GRM8: variants seen among roughly 807,000 people sequenced by gnomAD.
The protein encoded by GRM8 is metabotropic glutamate receptor 8.
In GRM8, 47 loss-of-function variants were observed where a neutral mutation model predicts 87.2. The observed-to-expected ratio is 0.54, with a 90% confidence interval of 0.43 to 0.69. The LOEUF is 0.69. Ranked by LOEUF, GRM8 falls within the 30% of genes least tolerant of loss-of-function variation. The pLI, the probability that GRM8 is intolerant of heterozygous loss-of-function variation, is 0.00. For synonymous variants in GRM8, 396 were observed against 404.5 expected (o/e 0.98, Z 0.25); for missense variants, 1,019 against 1,139.2 (o/e 0.89, Z 1.52).
At chr7:126,889,655 C>T (rs1800816685) in intron 6 of GRM8, among the ~76,000 whole-genome samples, 1 of 152,048 alleles carries the variant, frequency 6.6e-6, no homozygotes, top group Non-Finnish European at 1.5e-5. Context: ...TGTTGAAAAG[C>T]TGTATATCAT....
At chr7:126,680,648 T>C (rs968011318) in intron 7 of GRM8, among the ~76,000 whole-genome samples, 2 of 152,204 alleles carry the variant, frequency 1.3e-5, no homozygotes, top group African/African-American at 4.8e-5. Context: ...AAGTAACCTA[T>C]TTGTCACTAA....
At chr7:126,442,002 G>A (rs543832110) in intron 10 of GRM8, among the ~76,000 whole-genome samples, 2,460 of 48,188 alleles carry the variant, frequency 0.051, 166 homozygotes, top group East Asian at 0.34. Flanking sequence ...TGCAAAATGC[G>A]TGAAAAAAAA....
chr7:126,585,372 C>T (rs994708330), intron 8 of GRM8, among the ~76,000 whole-genome samples: 8 of 152,122 alleles, frequency 5.3e-5, no homozygotes, highest in Non-Finnish European at 4.4e-5. Flanking sequence ...TCATCACAAT[C>T]TTCATAAGGT....
At chr7:127,108,209 G>T (rs1426365284) in intron 2 of GRM8, among the ~76,000 whole-genome samples, 1 of 151,982 alleles carries the variant, frequency 6.6e-6, no homozygotes, top group Non-Finnish European at 1.5e-5. Context: ...ATGACTACTC[G>T]CAAGGACACC....
At chr7:126,981,079 T>C (rs1154324) in intron 3 of GRM8, 50,642 of 152,944 alleles carry the variant, frequency 0.33, 9,661 homozygotes, top group East Asian at 0.66. Context: ...CACTAACAGA[T>C]GAGAGCTTCA....
intron 7 of GRM8, among the ~76,000 whole-genome samples, chr7:126,719,991 T>C (rs186252284): frequency 6.6e-6 from 1 of 152,222 alleles, no homozygotes; most frequent in African/African-American, 2.4e-5. Context: ...CTCTAATTTA[T>C]AATGTCTCTA....
At chr7:126,560,318 A>C (rs780340200) in intron 8 of GRM8, among the ~76,000 whole-genome samples, 7 of 152,196 alleles carry the variant, frequency 4.6e-5, no homozygotes, top group Non-Finnish European at 8.8e-5. Context: ...AATAACATTG[A>C]TTTATGTAAT....
intron 6 of GRM8, among the ~76,000 whole-genome samples, chr7:126,874,745 T>C (rs574367032): frequency 1.4e-4 from 21 of 152,266 alleles, no homozygotes; most frequent in African/African-American, 3.8e-4. Context: ...TAGGCCAATG[T>C]TCCTTCTGCA....
At chr7:127,167,899 T>C (rs535140394) in intron 2 of GRM8, among the ~76,000 whole-genome samples, 46 of 152,180 alleles carry the variant, frequency 3.0e-4, no homozygotes, top group African/African-American at 1.0e-3. Context: ...CCTAAAACCA[T>C]GAAAACCCTA....
At chr7:126,843,680 G>C (rs1174980144) in intron 6 of GRM8, among the ~76,000 whole-genome samples, 1 of 152,188 alleles carries the variant, frequency 6.6e-6, no homozygotes, top group African/African-American at 2.4e-5. Flanking sequence ...TCTTTTTAAA[G>C]ATTTAATCAT....
At chr7:126,861,528 C>T (rs1798137772) in intron 6 of GRM8, among the ~76,000 whole-genome samples, 1 of 151,880 alleles carries the variant, frequency 6.6e-6, no homozygotes, top group Admixed American at 6.6e-5. Flanking sequence ...TGATAATTTC[C>T]AATTCCCTAT....
chr7:127,066,403 T>C (rs1279245960), intron 3 of GRM8, among the ~76,000 whole-genome samples: 1 of 152,210 alleles, frequency 6.6e-6, no homozygotes, highest in African/African-American at 2.4e-5. Context: ...ATAAACCACA[T>C]TATGGGAAAA....
chr7:126,957,573 G>A (rs958168539), intron 3 of GRM8, among the ~76,000 whole-genome samples: 1 of 152,214 alleles, frequency 6.6e-6, no homozygotes, highest in Non-Finnish European at 1.5e-5. Flanking sequence ...CGAGTGCAGA[G>A]TAAAGTTGCA....
intron 6 of GRM8, chr7:126,870,273 A>G (rs1798979393): frequency 6.6e-6 from 1 of 152,144 alleles, no homozygotes; most frequent in Non-Finnish European, 1.5e-5. Flanking sequence ...TTCTATGCAG[A>G]CCACTCAGAC....
intron 3 of GRM8, among the ~76,000 whole-genome samples, chr7:126,958,816 T>G (rs970396473): frequency 6.6e-6 from 1 of 152,146 alleles, no homozygotes; most frequent in African/African-American, 2.4e-5. Flanking sequence ...ATATTAAGGG[T>G]TTTCTCTACT....
chr7:126,863,349 A>G (rs1798300200), intron 6 of GRM8, among the ~76,000 whole-genome samples: 1 of 152,116 alleles, frequency 6.6e-6, no homozygotes, highest in Non-Finnish European at 1.5e-5. Context: ...CTAGAGTAAT[A>G]ATACCAACTA....
intron 7 of GRM8, among the ~76,000 whole-genome samples, chr7:126,614,483 A>T (rs998329096): frequency 6.6e-6 from 1 of 152,156 alleles, no homozygotes; most frequent in Non-Finnish European, 1.5e-5. Flanking sequence ...TCCCCCTCCA[A>T]AGGAACGCAG....
intron 9 of GRM8, among the ~76,000 whole-genome samples, chr7:126,469,825 G>A (rs936316879): frequency 6.6e-6 from 1 of 152,140 alleles, no homozygotes; most frequent in Non-Finnish European, 1.5e-5. Flanking sequence ...CTGGTAGAGT[G>A]TGGTACTGCT....
intron 7 of GRM8, among the ~76,000 whole-genome samples, chr7:126,681,072 A>G (rs1484725656): frequency 1.3e-5 from 2 of 152,218 alleles, no homozygotes; most frequent in African/African-American, 4.8e-5. Context: ...ATTTGAAAGA[A>G]CAGTAAGTAG....
Sources: gnomAD v4.1 joint callset for allele counts (sites outside exome capture counted in the v4.1 genomes callset) on GRCh38, gnomAD v4.1.1 for gene constraint, MANE v1.5 for transcripts, NCBI Gene and HGNC (gene_info 2026-07-23, HGNC 2026-07-21) for gene names.